FSIP2: variants seen among roughly 807,000 people sequenced by gnomAD.
FSIP2 encodes the protein fibrous sheath-interacting protein 2.
A neutral mutation model predicts 510.5 loss-of-function variants in FSIP2; 367 were observed. The observed-to-expected ratio is 0.72, with a 90% CI of 0.66 to 0.78. The LOEUF (loss-of-function observed/expected upper bound fraction) is 0.78. FSIP2 is among the 30% of genes least tolerant of loss of function. The pLI, the probability that FSIP2 is intolerant of heterozygous loss-of-function variation, is 0.00. For synonymous variants in FSIP2, 2,601 were observed against 2,732.2 expected (o/e 0.95, Z 1.50); for missense variants, 7,594 against 7,901.7 (o/e 0.96, Z 1.48).
chr2:185,774,581 A>AACTTGCTT, intron 13 of FSIP2, among the ~76,000 whole-genome samples: 1 of 149,654 alleles, frequency 6.7e-6, no homozygotes, highest in South Asian at 2.1e-4. Context: ...ATCAAGCAGG[A>AACTTGCTT]TTTTTTTTTT....
chr2:185,775,927 T>A (rs1261952109), intron 13 of FSIP2, among the ~76,000 whole-genome samples: 1 of 152,168 alleles, frequency 6.6e-6, no homozygotes, highest in Non-Finnish European at 1.5e-5. Flanking sequence ...CCTTCTAAAG[T>A]GTTGGGATTA....
In FSIP2 at chr2:185,795,855, G is replaced by A. The variant is rs1015511649; in HGVS notation, c.8719G>A (p.Glu2907Lys). 9.8e-6 allele frequency: 15 copies of A among 1,532,348 alleles called. No homozygotes were observed. The highest frequency in any genetic ancestry group is 9.6e-5 in the African/African-American group (7 of 72,618). The allele number at this position is 1,532,348 out of a possible 1,614,324, so 94.9% of individuals were successfully genotyped here. A position where few individuals can be genotyped will look rare whatever the true frequency, so the allele number is the denominator to read the frequency against. ...TTTTAAAGGAGCTTCTACTAGAGCC[G>A]AGGATACTAAAGCACAAATTAATAT... The part of the protein sequence containing the change: ...NHFKGASTRA[E>K]DTKAQINMFG... The change falls in exon 16 of 23, where the codon GAG becomes AAG. Residue 2907 changes from glutamate to lysine, a missense_variant. Transcript: ENST00000424728.
chr2:185,805,534 C>G lies in FSIP2; in HGVS notation c.16228C>G (p.Leu5410Val). ...GDWSSTFFSF[L>V]NPDNITQRVQ... is the part of the protein sequence containing the mutation. ...CTGGTCTTCCACCTTCTTTTCATTTCTAAATCCAGATAATATCACCCAAAG... is the reference window on the plus strand; with the variant it reads ...CTGGTCTTCCACCTTCTTTTCATTTGTAAATCCAGATAATATCACCCAAAG... The change falls in exon 17 of 23, where the codon CTA becomes GTA. Residue 5410 changes from leucine to valine, a missense_variant. Coordinates refer to ENST00000424728, the MANE Select transcript of FSIP2 (RefSeq NM_173651.4). 1.2e-6 allele frequency: 2 copies of G among 1,611,562 alleles called. No individual in the cohort carries two copies. The highest frequency in any genetic ancestry group is 8.5e-7 in the Non-Finnish European group (1 of 1,178,452).
rs1193175050 is a variant in FSIP2, at chr2:185,796,937, C to T, written c.9801C>T (p.Gly3267=). 6.5e-7 allele frequency: 1 copy of T among 1,534,878 alleles called. No individual in the cohort carries two copies. The highest frequency in any genetic ancestry group is 1.2e-5 in the South Asian group (1 of 84,016). ...TMKGNSYLPE[G]SFLQKLLRKA... is the part of the protein sequence containing the mutation. The stretch of plus-strand genomic sequence containing the variant: ...AAGGAAATAGCTACCTCCCTGAAGG[C>T]AGTTTCTTACAAAAGCTGCTTAGGA... The change falls in exon 16 of 23, where the codon GGC becomes GGT. Residue 3267 remains glycine, a synonymous_variant. Coordinates refer to ENST00000424728, the MANE Select transcript of FSIP2 (RefSeq NM_173651.4).
At position 185,802,155 on chromosome 2, in the gene FSIP2, A is replaced by C. The variant is rs1417494608; in HGVS notation, c.12849A>C (p.Thr4283=). The C allele has an allele frequency of 3.5e-5, 54 of 1,533,248 alleles. No individual in the cohort carries two copies. The highest frequency in any genetic ancestry group is 4.6e-5 in the Non-Finnish European group (53 of 1,145,064). The allele number at this position is 1,533,248 out of a possible 1,614,324, so 95.0% of individuals were successfully genotyped here. A position where few individuals can be genotyped will look rare whatever the true frequency, so the allele number is the denominator to read the frequency against. ...TGGATCCAGTGTCTACTATTGTTAC[A>C]CAGGTTCTGAGTGAAGTGATAGAGT... The part of the protein sequence containing the change: ...TPLDPVSTIV[T]QVLSEVIESH... Residue 4283 remains threonine, a synonymous_variant, in exon 17 of 23, where the codon ACA becomes ACC. Transcript: ENST00000424728.
At position 185,805,360 on chromosome 2, in the gene FSIP2, T is replaced by C. The variant is rs1489955085; in HGVS notation, c.16054T>C (p.Ser5352Pro). 1 of 1,597,584 alleles carries C rather than the reference T, an allele frequency of 6.3e-7. No individual in the cohort carries two copies. Among genetic ancestry groups the C allele is most frequent in the Non-Finnish European group, 8.5e-7 (1 of 1,174,220 alleles). Residue 5352 changes from serine to proline, a missense_variant, in exon 17 of 23, where the codon TCC (serine) becomes CCC (proline). Ser to Pro is a moderately conservative substitution (Grantham distance 74, BLOSUM62 -1). Transcript: ENST00000424728. Reference sequence around the variant, plus strand: ...TGATAAAGAGACAGTTGATAAAATATCCAATTTTGTATATGAACAGTTCAT... The same window carrying C: ...TGATAAAGAGACAGTTGATAAAATACCCAATTTTGTATATGAACAGTTCAT... The part of the protein sequence containing the change: ...PIDKETVDKI[S>P]NFVYEQFIEK...
rs1693659909 is a variant in FSIP2 at position 185,808,876 on chromosome 2, C to A, written c.19570C>A (p.His6524Asn). The part of the protein sequence containing the change: ...EEESPIKIVP[H>N]VGKKPVKIDP... ...GGAATCTCCAATTAAAATAGTTCCA[C>A]ATGTTGGAAAAAAACCAGTCAAAAT... The change falls in exon 17 of 23, where the codon CAT becomes AAT. Residue 6524 changes from histidine to asparagine, a missense_variant. By Grantham distance (68) the His-to-Asn change is moderately conservative. Coordinates refer to ENST00000424728, the MANE Select transcript of FSIP2 (RefSeq NM_173651.4). The A allele has an allele frequency of 6.2e-7, 1 of 1,608,320 alleles. No individual in the cohort carries two copies. The highest frequency in any genetic ancestry group is 8.5e-7 in the Non-Finnish European group (1 of 1,178,272).
Position 185,802,086 on chromosome 2 carries a change from A to G in FSIP2, c.12780A>G (p.Gln4260=). ...IIQEIIENHL[Q]PFLSGEVLCH... ...AAGAGATTATCGAAAATCATCTTCA[A>G]CCATTTTTGAGTGGAGAGGTTTTAT... The change falls in exon 17 of 23, where the codon CAA becomes CAG. Residue 4260 remains glutamine (Q), a synonymous_variant. Coordinates refer to ENST00000424728, the MANE Select transcript of FSIP2 (RefSeq NM_173651.4). 1.3e-6 allele frequency: 2 copies of G among 1,533,564 alleles called. No homozygotes were observed. Among genetic ancestry groups the G allele is most frequent in the East Asian group, 2.5e-5 (1 of 40,814 alleles). The allele number at this position is 1,533,564 out of a possible 1,614,324, so 95.0% of individuals were successfully genotyped here. A position where few individuals can be genotyped will look rare whatever the true frequency, so the allele number is the denominator to read the frequency against.
rs886463135 is a variant in FSIP2 at position 185,800,629 on chromosome 2, G to C, written c.11323G>C (p.Asp3775His). 2.6e-6 allele frequency: 4 copies of C among 1,533,924 alleles called. No homozygotes were observed. The highest frequency in any genetic ancestry group is 1.7e-4 in the Middle Eastern group (1 of 5,972). Residue 3775 changes from aspartate to histidine, a missense_variant, in exon 17 of 23, where the codon GAT becomes CAT. Physicochemically the swap from Asp to His is moderately conservative, Grantham distance 81 (BLOSUM62 -1). Coordinates refer to ENST00000424728, the MANE Select transcript of FSIP2 (RefSeq NM_173651.4). Reference sequence around the variant, plus strand: ...AGAATGCACAAGCACTGCTTTTCCTGATAAAGGGTCTGTTTCAGAGGAAAC... The same window carrying C: ...AGAATGCACAAGCACTGCTTTTCCTCATAAAGGGTCTGTTTCAGAGGAAAC... Reference protein sequence around the residue: ...LEECTSTAFPDKGSVSEETSA... With the variant: ...LEECTSTAFPHKGSVSEETSA...
At position 185,739,441 on chromosome 2, in the gene FSIP2, T is replaced by G; in HGVS notation, c.195T>G (p.Ala65=). The part of the protein sequence containing the change: ...VKLPVIPGSN[A]VFYTTNFGEK... ...TGCCTGTGATCCCAGGAAGCAATGC[T>G]GTATTCTATACTACGAATTTCGGTG... Residue 65 remains alanine (A), a synonymous_variant, in exon 2 of 23, where the codon GCT becomes GCG. Coordinates refer to ENST00000424728, the MANE Select transcript of FSIP2 (RefSeq NM_173651.4). 9 of 1,532,160 alleles carry G rather than the reference T, an allele frequency of 5.9e-6. No individual in the cohort carries two copies. Among genetic ancestry groups the G allele is most frequent in the Non-Finnish European group, 7.9e-6 (9 of 1,145,348 alleles). 94.9% of individuals were successfully genotyped at this position (1,532,160 alleles called of 1,614,324 possible).
At position 185,801,751 on chromosome 2, in the gene FSIP2, A is replaced by C; in HGVS notation, c.12445A>C (p.Arg4149=). The C allele has an allele frequency of 1.3e-6, 2 of 1,528,848 alleles. No homozygotes were observed. Among genetic ancestry groups the C allele is most frequent in the Non-Finnish European group, 1.8e-6 (2 of 1,142,694 alleles). 94.7% of individuals were successfully genotyped at this position (1,528,848 alleles called of 1,614,324 possible). A position where few individuals can be genotyped will look rare whatever the true frequency, so the allele number is the denominator to read the frequency against. The change falls in exon 17 of 23, where the codon AGG becomes CGG. Residue 4149 remains arginine, a synonymous_variant. Transcript: ENST00000424728. ...SHSFLEDVIR[R]LLSQLIPPPI... Reference sequence around the variant, plus strand: ...TTCATTTTTAGAAGATGTCATAAGAAGGCTTTTATCTCAGCTAATTCCTCC... The same window carrying C: ...TTCATTTTTAGAAGATGTCATAAGACGGCTTTTATCTCAGCTAATTCCTCC...
In FSIP2 at chr2:185,805,467, G is replaced by C. The variant is rs1423211801; in HGVS notation, c.16161G>C (p.Lys5387Asn). 1.9e-6 allele frequency: 3 copies of C among 1,611,250 alleles called. No individual in the cohort carries two copies. In the African/African-American group the frequency reaches 4.0e-5, roughly 22 times the overall value. The change falls in exon 17 of 23, where the codon AAG (lysine) becomes AAC (asparagine). Residue 5387 changes from lysine (K) to asparagine (N), a missense_variant. By Grantham distance (94) the Lys-to-Asn change is moderately conservative. Transcript: ENST00000424728. Reference sequence around the variant, plus strand: ...GGATGATTGCTGCTCTAACCCAGAAGGCAATATCTGCATTCAGGATTCAAC... The same window carrying C: ...GGATGATTGCTGCTCTAACCCAGAACGCAATATCTGCATTCAGGATTCAAC... ...AIGMIAALTQ[K>N]AISAFRIQPL...
At chr2:185,742,336 T>C (rs1442699595) in intron 2 of FSIP2, among the ~76,000 whole-genome samples, 2 of 152,202 alleles carry the variant, frequency 1.3e-5, no homozygotes. Context: ...CATGGTGAGA[T>C]TGAATAACTC....
At chr2:185,824,027 A>G (rs1179666333) in intron 19 of FSIP2, among the ~76,000 whole-genome samples, 1 of 151,774 alleles carries the variant, frequency 6.6e-6, no homozygotes, top group Non-Finnish European at 1.5e-5. Flanking sequence ...TCCCTAGGAT[A>G]GTCAAAATCA....
At position 185,801,195 on chromosome 2, in the gene FSIP2, G is replaced by A; in HGVS notation, c.11889G>A (p.Gln3963=). Residue 3963 remains glutamine, a synonymous_variant, in exon 17 of 23, where the codon CAG becomes CAA. Coordinates refer to ENST00000424728, the MANE Select transcript of FSIP2 (RefSeq NM_173651.4). ...DKVAIHNKLH[Q]EGIYAGVYSA... ...TAGCCATTCATAATAAGCTACATCAGGAAGGTATATATGCTGGTGTTTATT... is the reference window on the plus strand; with the variant it reads ...TAGCCATTCATAATAAGCTACATCAAGAAGGTATATATGCTGGTGTTTATT... 1 of 1,534,140 alleles carries A rather than the reference G, an allele frequency of 6.5e-7. No individual in the cohort carries two copies. The highest frequency in any genetic ancestry group is 8.7e-7 in the Non-Finnish European group (1 of 1,145,536).
chr2:185,770,773 A>G (rs1692591287), intron 13 of FSIP2, among the ~76,000 whole-genome samples: 1 of 152,186 alleles, frequency 6.6e-6, no homozygotes, highest in Non-Finnish European at 1.5e-5. Flanking sequence ...TTATTCCAGC[A>G]TTAATTCAAT....
intron 8 of FSIP2, among the ~76,000 whole-genome samples, chr2:185,755,979 C>A (rs1692238708): frequency 6.6e-6 from 1 of 151,476 alleles, no homozygotes; most frequent in African/African-American, 2.4e-5. Context: ...TCTATCCCTC[C>A]AAATGTATCT....
intron 13 of FSIP2, among the ~76,000 whole-genome samples, chr2:185,779,949 T>G (rs1692807355): frequency 6.6e-6 from 1 of 151,504 alleles, no homozygotes; most frequent in Admixed American, 6.6e-5. Flanking sequence ...TTCTTAGCAC[T>G]TTAAAGATAA....
chr2:185,748,501 C>T (rs1225827405), intron 7 of FSIP2, among the ~76,000 whole-genome samples: 1 of 151,846 alleles, frequency 6.6e-6, no homozygotes, highest in Non-Finnish European at 1.5e-5. Flanking sequence ...TAAGAAGTCT[C>T]ACCAAGTTGT....
Sources: allele counts gnomAD v4.1 joint callset (sites outside exome capture counted in the v4.1 genomes callset), GRCh38; gene constraint gnomAD v4.1.1; transcripts MANE v1.5; gene names NCBI Gene and HGNC (gene_info 2026-07-23, HGNC 2026-07-21).